Variants in CELF2 observed in about 807,000 individuals in gnomAD.
The protein encoded by CELF2 is CUGBP Elav-like family member 2, also known as CUG triplet repeat RNA-binding protein 2.
In CELF2, 8 loss-of-function variants were observed where a neutral mutation model predicts 62.6. That is an observed-to-expected ratio of 0.13 (90% CI 0.07 to 0.23). The LOEUF (loss-of-function observed/expected upper bound fraction) is 0.23, where lower values mean the gene tolerates loss of function less well. CELF2 is among the 10% of genes least tolerant of loss of function. The pLI is 1.00. For synonymous variants in CELF2, 258 were observed against 250.0 expected, an observed-to-expected ratio of 1.03 and a Z score of -0.30; for missense variants, 333 against 671.0, an observed-to-expected ratio of 0.50 and a Z score of 5.56.
the CELF2 span, among the ~76,000 whole-genome samples, chr10:10,721,265 A>G: frequency 2.5e-4 from 38 of 152,236 alleles, no homozygotes; most frequent in African/African-American, 7.7e-4. Flanking sequence ...GTCAATCTTT[A>G]AAAGTAGCCA....
Position 10,983,152 on chromosome 10 carries a change from T to G in CELF2, c.89+63153T>G, listed in dbSNP as rs527940167. 6.6e-6 allele frequency among the ~76,000 whole-genome samples: 1 copy of G among 152,316 alleles called. No homozygotes were observed. Among genetic ancestry groups the G allele is most frequent in the East Asian group, 1.9e-4 (1 of 5,194 alleles). On this transcript the variant is annotated intron_variant, in intron 2 of 13. Coordinates refer to the CELF2 transcript ENST00000636488. The surrounding 1 kb of genome is among the most constrained non-coding windows in gnomAD (Gnocchi z 5.2). ...TTTTTTCATTATTTTTTTTTCAATT[T>G]TTCAGAAGGCAAGTTCAGACACATA...
At chr10:10,801,333 A>G (rs577233443) in intron 1 of CELF2, among the ~76,000 whole-genome samples, 1 of 152,378 alleles carries the variant, frequency 6.6e-6, no homozygotes, top group South Asian at 2.1e-4. Context: ...GATAGAGTTT[A>G]TAAATTGCAT....
At chr10:10,661,694 C>A in the CELF2 span, among the ~76,000 whole-genome samples, 1 of 152,146 alleles carries the variant, frequency 6.6e-6, no homozygotes, top group South Asian at 2.1e-4. Context: ...GATTTAGTTA[C>A]CACGTTTCTA....
intron 1 of CELF2, among the ~76,000 whole-genome samples, chr10:11,085,685 A>G (rs1421491975): frequency 6.6e-6 from 1 of 152,106 alleles, no homozygotes; most frequent in Non-Finnish European, 1.5e-5. Context: ...CAGGGCCTGC[A>G]TCTGCTTCCC....
At chr10:10,644,718 C>T in the CELF2 span, among the ~76,000 whole-genome samples, 1 of 152,206 alleles carries the variant, frequency 6.6e-6, no homozygotes, top group South Asian at 2.1e-4. Flanking sequence ...GAAACAAAGG[C>T]CCTATTTTAG....
At position 11,254,828 on chromosome 10, in the gene CELF2, G is replaced by A. The variant is rs149040330; in HGVS notation, c.404-2910G>A. On this transcript the variant is annotated intron_variant, in intron 4 of 12. Coordinates refer to ENST00000633077, the MANE Select transcript of CELF2 (RefSeq NM_001326342.2). ...ATAGTTTGCTGGGGGTAGGAGTCTC[G>A]GAGACGAGAGGGAAGGAGGAGTCCT... 1.2e-3 allele frequency among the ~76,000 whole-genome samples: 179 copies of A among 152,080 alleles called. 1 individual carries two copies. The highest frequency in any genetic ancestry group is 4.1e-3 in the African/African-American group (172 of 41,524).
intron 4 of CELF2, among the ~76,000 whole-genome samples, chr10:11,256,839 C>T (rs968969630): frequency 3.3e-5 from 5 of 152,012 alleles, no homozygotes; most frequent in African/African-American, 1.2e-4. Context: ...TTATCTTCCC[C>T]AATGTCAGGT....
chr10:10,943,976 C>T (rs2047356262), intron 2 of CELF2, among the ~76,000 whole-genome samples: 1 of 152,178 alleles, frequency 6.6e-6, no homozygotes, highest in South Asian at 2.1e-4. Context: ...AAAAGTAGTT[C>T]TCTACCCTCA....
chr10:10,801,056 T>A (rs1257886219), intron 1 of CELF2, among the ~76,000 whole-genome samples: 1 of 137,050 alleles, frequency 7.3e-6, no homozygotes, highest in East Asian at 2.1e-4. Context: ...GATAATGATC[T>A]CAAGTCTTAA....
chr10:10,572,447 C>T, the CELF2 span, among the ~76,000 whole-genome samples: 11 of 151,952 alleles, frequency 7.2e-5, no homozygotes, highest in African/African-American at 2.7e-4. Flanking sequence ...ACCTATCAAC[C>T]CATCACCTTG....
At chr10:11,024,641 T>A (rs1375631999) in intron 1 of CELF2, among the ~76,000 whole-genome samples, 1 of 151,426 alleles carries the variant, frequency 6.6e-6, no homozygotes, top group African/African-American at 2.4e-5. Flanking sequence ...ATAATAATAA[T>A]GAAGAAGTCC....
chr10:10,533,425 A>C, the CELF2 span, among the ~76,000 whole-genome samples: 5 of 152,350 alleles, frequency 3.3e-5, no homozygotes, highest in Admixed American at 1.3e-4. Context: ...ATAGGAAGGT[A>C]CACTAATAGT....
chr10:10,715,493 C>T, the CELF2 span, among the ~76,000 whole-genome samples: 4 of 152,148 alleles, frequency 2.6e-5, no homozygotes, highest in Non-Finnish European at 4.4e-5. Context: ...TCCATATTTA[C>T]TGTTTACTAC....
the CELF2 span, among the ~76,000 whole-genome samples, chr10:10,629,717 G>A: frequency 6.6e-6 from 1 of 152,026 alleles, no homozygotes; most frequent in African/African-American, 2.4e-5. Context: ...CTGTTTTCCG[G>A]TGAGGATGTT....
chr10:11,078,925 A>G (rs191432328), intron 1 of CELF2, among the ~76,000 whole-genome samples: 135 of 152,356 alleles, frequency 8.9e-4, no homozygotes, highest in East Asian at 7.7e-3. Flanking sequence ...AGAATTAAGC[A>G]AATGCTGTTG....
chr10:10,872,863 A>G (rs1253696923), intron 1 of CELF2, among the ~76,000 whole-genome samples: 1 of 152,074 alleles, frequency 6.6e-6, no homozygotes, highest in Non-Finnish European at 1.5e-5. Flanking sequence ...TTCCATATGC[A>G]GAGTTTGGGG....
chr10:11,270,478 G>A lies in CELF2; in HGVS notation c.619-188G>A, dbSNP rs529644359. Among the ~76,000 whole-genome samples the A allele has an allele frequency of 3.9e-5, 6 of 152,202 alleles. No homozygotes were observed. Among genetic ancestry groups the A allele is most frequent in the Non-Finnish European group, 5.9e-5 (4 of 68,032 alleles). ...CACCAGATCCCCCAAAGAAACCACTGGCAGTGTCTGGAATTTTCTGTTGAT... is the reference window on the plus strand; with the variant it reads ...CACCAGATCCCCCAAAGAAACCACTAGCAGTGTCTGGAATTTTCTGTTGAT... On this transcript the variant is annotated intron_variant, in intron 6 of 12. Transcript: ENST00000633077. The surrounding 1 kb of genome is among the most constrained non-coding windows in gnomAD (Gnocchi z 5.8).
At chr10:10,678,593 A>G in the CELF2 span, among the ~76,000 whole-genome samples, 1 of 152,190 alleles carries the variant, frequency 6.6e-6, no homozygotes, top group African/African-American at 2.4e-5. Context: ...CACAGTGTAG[A>G]TATGCAATGA....
chr10:10,719,308 G>A, the CELF2 span, among the ~76,000 whole-genome samples: 2 of 152,054 alleles, frequency 1.3e-5, no homozygotes. Context: ...GCCCAAGCTG[G>A]AGTATAGTGG....
Sources: gnomAD v4.1 joint callset for allele counts (sites outside exome capture counted in the v4.1 genomes callset) on GRCh38, gnomAD v4.1.1 for gene constraint, Gnocchi (gnomAD v3.1) non-coding constraint, MANE v1.5 for transcripts, NCBI Gene and HGNC (gene_info 2026-07-23, HGNC 2026-07-21) for gene names.